DUSP13B: variants seen among roughly 807,000 people sequenced by gnomAD.
DUSP13B encodes the protein dual specificity phosphatase 13B, also known as dual specificity protein phosphatase 13B.
the DUSP13B span, among the ~76,000 whole-genome samples, chr10:75,100,006 T>G: frequency 6.6e-6 from 1 of 152,110 alleles, no homozygotes; most frequent in Non-Finnish European, 1.5e-5. Context: ...ACAGCCACAC[T>G]GGTCTGGAGC....
the DUSP13B span, chr10:75,103,883 C>A: frequency 1.8e-4 from 234 of 1,300,186 alleles, no homozygotes; most frequent in Middle Eastern, 2.3e-4. Flanking sequence ...GAGAGGGGAG[C>A]CCACTCCCAC....
chr10:75,099,180 G>T, the DUSP13B span: 1 of 1,227,712 alleles, frequency 8.1e-7, no homozygotes, highest in Non-Finnish European at 1.0e-6. Flanking sequence ...TTGGAGAGGG[G>T]GTCCTGTCTT....
At chr10:75,099,313 G>A in the DUSP13B span, 66 of 1,232,172 alleles carry the variant, frequency 5.4e-5, no homozygotes, top group Admixed American at 3.4e-4. Flanking sequence ...GGAGGCTGCC[G>A]GCTTGGCCAG....
the DUSP13B span, chr10:75,098,925 T>A: frequency 8.3e-7 from 1 of 1,203,840 alleles, no homozygotes; most frequent in Non-Finnish European, 1.0e-6. Context: ...TCAGTTACCA[T>A]CTTTGGGGCC....
the DUSP13B span, chr10:75,101,793 G>C: frequency 6.1e-6 from 4 of 654,758 alleles, no homozygotes; most frequent in Non-Finnish European, 1.0e-5. Flanking sequence ...ACAGGCACAA[G>C]TGTCCTGGCC....
the DUSP13B span, chr10:75,105,562 C>A: frequency 8.3e-7 from 1 of 1,210,844 alleles, no homozygotes; most frequent in South Asian, 1.4e-5. Flanking sequence ...ACAGCCCTGC[C>A]AACCAATCCT....
At chr10:75,097,981 G>T in the DUSP13B span, 1 of 1,146,456 alleles carries the variant, frequency 8.7e-7, no homozygotes, top group Non-Finnish European at 1.2e-6. Context: ...TAGGTGCCAC[G>T]GGGATGCTGC....
the DUSP13B span, chr10:75,108,183 A>C: frequency 6.2e-7 from 1 of 1,608,928 alleles, no homozygotes; most frequent in Admixed American, 1.7e-5. Context: ...CAGCTTCCAC[A>C]GCTCAAAGCG....
At chr10:75,108,959 C>A in the DUSP13B span, 1 of 1,549,052 alleles carries the variant, frequency 6.5e-7, no homozygotes, top group Non-Finnish European at 8.7e-7. Context: ...CGACCAAGAA[C>A]TGCCTCTCCA....
the DUSP13B span, chr10:75,109,168 GC>G: frequency 6.4e-7 from 1 of 1,560,332 alleles, no homozygotes. Context: ...GGGCCAGCCC[GC>G]CCACCCCTCT....
chr10:75,095,489 G>C, the DUSP13B span: 1 of 1,262,642 alleles, frequency 7.9e-7, no homozygotes, highest in East Asian at 2.3e-5. Flanking sequence ...TGTCTCTCTG[G>C]ACTCCCACCC....
At chr10:75,108,038 G>A in the DUSP13B span, 2 of 1,613,858 alleles carry the variant, frequency 1.2e-6, no homozygotes, top group Non-Finnish European at 1.7e-6. Context: ...CCGCAGAGGA[G>A]AAGTAGGCAC....
chr10:75,105,726 GCCTC>G, the DUSP13B span: 1 of 1,554,330 alleles, frequency 6.4e-7, no homozygotes, highest in African/African-American at 1.4e-5. Flanking sequence ...GGTGCAGGAA[GCCTC>G]GGTTGGGGAA....
chr10:75,105,596 C>A, the DUSP13B span: 1 of 1,418,010 alleles, frequency 7.1e-7, no homozygotes, highest in Non-Finnish European at 9.7e-7. Context: ...CCTATGTCTG[C>A]AGCCTAGGCC....
the DUSP13B span, chr10:75,108,326 C>CCCAGCAACCT: frequency 6.8e-7 from 1 of 1,460,606 alleles, no homozygotes. Flanking sequence ...AGAGTCCAAC[C>CCCAGCAACCT]CCAGCAAGCT....
At chr10:75,108,806 C>A in the DUSP13B span, among the ~76,000 whole-genome samples, 1 of 152,158 alleles carries the variant, frequency 6.6e-6, no homozygotes, top group Non-Finnish European at 1.5e-5. Flanking sequence ...TTCAGGCAGG[C>A]GAAGTCCCTG....
chr10:75,103,651 C>T, the DUSP13B span, among the ~76,000 whole-genome samples: 25 of 152,234 alleles, frequency 1.6e-4, no homozygotes, highest in African/African-American at 6.0e-4. Context: ...GAACAGGGCA[C>T]ACCCATGCCT....
At chr10:75,108,083 C>A in the DUSP13B span, 1 of 1,613,894 alleles carries the variant, frequency 6.2e-7, no homozygotes, top group African/African-American at 1.3e-5. Context: ...GGGCTGGCAC[C>A]CCCAGGTAGC....
At chr10:75,097,900 A>AC in the DUSP13B span, 4 of 1,563,904 alleles carry the variant, frequency 2.6e-6, no homozygotes, top group Non-Finnish European at 3.5e-6. Context: ...AACAGAGTGG[A>AC]CACCGCAGTG....
Sources: allele counts gnomAD v4.1 joint callset (sites outside exome capture counted in the v4.1 genomes callset), GRCh38; gene constraint gnomAD v4.1.1; transcripts MANE v1.5; gene names NCBI Gene and HGNC (gene_info 2026-07-23, HGNC 2026-07-21).